Variants in ITIH3 observed in about 807,000 individuals in gnomAD.
The protein encoded by ITIH3 is inter-alpha-trypsin inhibitor heavy chain 3.
A neutral mutation model predicts 96.5 loss-of-function variants in ITIH3; 81 were observed. The observed-to-expected ratio is 0.84, with a 90% confidence interval of 0.70 to 1.01. The LOEUF (loss-of-function observed/expected upper bound fraction) is 1.01. Ranked by LOEUF, ITIH3 falls within the 50% of genes least tolerant of loss-of-function variation. The pLI, the probability that ITIH3 is intolerant of heterozygous loss-of-function variation, is 0.00. For missense variants in ITIH3, 1,057 were observed against 1,139.3 expected, an observed-to-expected ratio of 0.93 and a Z score of 1.04; for synonymous variants, 422 against 445.2, an observed-to-expected ratio of 0.95 and a Z score of 0.66.
Position 52,796,652 on chromosome 3 carries a change from G to A in ITIH3, c.281+5G>A, listed in dbSNP as rs772782855. 1.9e-6 allele frequency: 3 copies of A among 1,611,292 alleles called. No individual in the cohort carries two copies. The highest frequency in any genetic ancestry group is 3.3e-5 in the Admixed American group (2 of 59,820). On this transcript the variant is annotated splice_donor_5th_base_variant and intron_variant, in intron 3 of 21. Transcript: ENST00000449956. ...CTTCATCACCAACTTCACCTTGTGG[G>A]TACCACCATGGCTGCTGGCTCTGGG...
At chr3:52,796,420 G>T (rs1188103515) in intron 2 of ITIH3, 61 bp from the exon 3 acceptor site, 2 of 1,498,378 alleles carry the variant, frequency 1.3e-6, no homozygotes, top group African/African-American at 1.4e-5. Flanking sequence ...GAGGTGGCTG[G>T]GTTGCAAACC....
intron 7 of ITIH3, 122 bp downstream of exon 7, chr3:52,799,213 G>C (rs1699713179): frequency 6.8e-6 from 9 of 1,326,800 alleles, no homozygotes; most frequent in Non-Finnish European, 9.4e-6. Flanking sequence ...GCAGGATGTG[G>C]GACAGCTGAT....
chr3:52,802,733 C>T lies in ITIH3; in HGVS notation c.1636C>T (p.Arg546Trp), dbSNP rs756947652. 18 of 1,613,916 alleles carry T rather than the reference C, an allele frequency of 1.1e-5. No homozygotes were observed. Among genetic ancestry groups the T allele is most frequent in the East Asian group, 2.2e-5 (1 of 44,878 alleles). Reference sequence around the variant, plus strand: ...GGAGATGGAGAAGGCCCTGCAGGAGCGGGACTACATCTTCGGGAATTACAT... The same window carrying T: ...GGAGATGGAGAAGGCCCTGCAGGAGTGGGACTACATCTTCGGGAATTACAT... ...MKEMEKALQERDYIFGNYIER... is the reference protein window; with the variant it reads ...MKEMEKALQEWDYIFGNYIER... The change falls in exon 13 of 22, where the codon CGG (arginine) becomes TGG (tryptophan). Residue 546 changes from arginine to tryptophan, a missense_variant. Coordinates refer to ENST00000449956, the MANE Select transcript of ITIH3 (RefSeq NM_002217.4).
intron 15 of ITIH3, 92 bp downstream of exon 15, chr3:52,804,826 C>T: frequency 7.2e-7 from 1 of 1,387,326 alleles, no homozygotes; most frequent in African/African-American, 1.4e-5. Context: ...GGACCCCCAG[C>T]CATGGGGGCA....
chr3:52,807,804 C>G lies in ITIH3; in HGVS notation c.2319C>G (p.Thr773=). The change falls in exon 20 of 22, where the codon ACC becomes ACG. Residue 773 remains threonine, a synonymous_variant. Coordinates refer to ENST00000449956, the MANE Select transcript of ITIH3 (RefSeq NM_002217.4). ...TGGTCTCCTTTGGAGATGGGGTTACCTTCGTGGTCGTCCTACACCAGGTGT... is the reference window on the plus strand; with the variant it reads ...TGGTCTCCTTTGGAGATGGGGTTACGTTCGTGGTCGTCCTACACCAGGTGT... The part of the protein sequence containing the change: ...NMVVSFGDGV[T]FVVVLHQVWK... 6.2e-7 allele frequency: 1 copy of G among 1,612,480 alleles called. No individual in the cohort carries two copies. The highest frequency in any genetic ancestry group is 8.5e-7 in the Non-Finnish European group (1 of 1,179,330).
intron 10 of ITIH3, 117 bp downstream of exon 10, chr3:52,800,780 TG>T: frequency 1.4e-6 from 2 of 1,478,572 alleles, no homozygotes; most frequent in Non-Finnish European, 1.8e-6. Context: ...CCCTGTGGTC[TG>T]GGAGCCCCTC....
In ITIH3 at chr3:52,805,830, G is replaced by A. The variant is rs777411568; in HGVS notation, c.1896G>A (p.Met632Ile). Residue 632 changes from methionine to isoleucine, a missense_variant, in exon 16 of 22, where the codon ATG becomes ATA. Physicochemically the swap from Met to Ile is conservative, Grantham distance 10 (BLOSUM62 1). Transcript: ENST00000449956. Reference protein sequence around the residue: ...DAEATPVSPAMSYLTSYQPPQ... With the variant: ...DAEATPVSPAISYLTSYQPPQ... ...CAGCCACACCGGTGAGCCCCGCCAT[G>A]TCCTACCTGAGTGAGTACATGCTGG... is the stretch of plus-strand genomic sequence containing the variant. The A allele has an allele frequency of 8.1e-6, 13 of 1,613,846 alleles. No homozygotes were observed. The Admixed American group carries it at 2.2e-4, about 27-fold the overall frequency.
Position 52,807,921 on chromosome 3 carries a change from G to T in ITIH3, c.2431+5G>T, listed in dbSNP as rs776708089. ...CACAGACGCATGGGCTGCTGGGTAC[G>T]AAGTGTTCAGACTGCAGGCTGTTCA... On this transcript the variant is annotated splice_donor_5th_base_variant and intron_variant, in intron 20 of 21. Coordinates refer to ENST00000449956, the MANE Select transcript of ITIH3 (RefSeq NM_002217.4). 1.6e-5 allele frequency: 26 copies of T among 1,611,760 alleles called. No individual in the cohort carries two copies. The highest frequency in any genetic ancestry group is 1.7e-5 in the Admixed American group (1 of 59,678).
At chr3:52,804,794 G>A (rs1699977345) in intron 15 of ITIH3, 60 bp downstream of exon 15, 10 of 1,558,390 alleles carry the variant, frequency 6.4e-6, no homozygotes, top group Non-Finnish European at 8.7e-6. Flanking sequence ...AGAGAACTGA[G>A]GAGGCCTTTC....
rs377359593 is a variant in ITIH3, at chr3:52,794,984, G to T, written c.93+88G>T. 67 of 1,058,442 alleles carry T rather than the reference G, an allele frequency of 6.3e-5. No homozygotes were observed. The Middle Eastern group carries it at 9.2e-4, about 15-fold the overall frequency. The allele number at this position is 1,058,442 out of a possible 1,614,324, so 65.6% of individuals were successfully genotyped here. ...GGGCAAGGCCTCTGAGTGGAGTGAA[G>T]AGGAGGCAGAGGGCTGGGCACTGAG... On this transcript the variant is annotated intron_variant, in intron 1 of 21. Transcript: ENST00000449956.
intron 6 of ITIH3, 109 bp downstream of exon 6, chr3:52,798,039 G>A (rs2154109474): frequency 4.4e-6 from 3 of 675,830 alleles, no homozygotes; most frequent in South Asian, 1.8e-5. Flanking sequence ...CATGTGTTGG[G>A]GTGGGGCTGG....
chr3:52,802,526 G>C lies in ITIH3; in HGVS notation c.1569+7G>C. On this transcript the variant is annotated splice_region_variant and intron_variant, in intron 12 of 21. Coordinates refer to ENST00000449956, the MANE Select transcript of ITIH3 (RefSeq NM_002217.4). ...AGATGTGAAGGGCCATGGGGTGAGT[G>C]GGGACAGGGCCTGGAAGTGTGCTGG... The C allele has an allele frequency of 1.9e-6, 3 of 1,613,692 alleles. No individual in the cohort carries two copies. The highest frequency in any genetic ancestry group is 1.6e-4 in the Middle Eastern group (1 of 6,062).
chr3:52,802,912 C>A, intron 13 of ITIH3, 106 bp downstream of exon 13: 1 of 1,332,800 alleles, frequency 7.5e-7, no homozygotes, highest in South Asian at 1.4e-5. Flanking sequence ...TTGGGCCAGC[C>A]CAGGAAGTGT....
Position 52,796,622 on chromosome 3 carries a change from A to G in ITIH3, c.256A>G (p.Thr86Ala), listed in dbSNP as rs746021452. 2.5e-5 allele frequency: 40 copies of G among 1,612,818 alleles called. No homozygotes were observed. The highest frequency in any genetic ancestry group is 3.1e-5 in the Non-Finnish European group (37 of 1,179,350). The change falls in exon 3 of 22, where the codon ACG (threonine) becomes GCG (alanine). Residue 86 changes from threonine (T) to alanine (A), a missense_variant. Transcript: ENST00000449956. ...TTCCTTTGATGTGGAGCTGCCCAAG[A>G]CGGCCTTCATCACCAACTTCACCTT... ...EVSFDVELPK[T>A]AFITNFTLTI... is the part of the protein sequence containing the mutation.
At position 52,803,926 on chromosome 3, in the gene ITIH3, T is replaced by C. The variant is rs1158065108; in HGVS notation, c.1781T>C (p.Phe594Ser). ...CTGGACCTGTCCCTCAAGTATCACTTTGTGACTCCACTGACCTCAATGGTG... is the reference window on the plus strand; with the variant it reads ...CTGGACCTGTCCCTCAAGTATCACTCTGTGACTCCACTGACCTCAATGGTG... ...RALDLSLKYH[F>S]VTPLTSMVVT... The change falls in exon 14 of 22, where the codon TTT (phenylalanine) becomes TCT (serine). Residue 594 changes from phenylalanine to serine, a missense_variant. Physicochemically the swap from Phe to Ser is radical, Grantham distance 155. Transcript: ENST00000449956. 3.1e-6 allele frequency: 5 copies of C among 1,613,928 alleles called. No individual in the cohort carries two copies. In the South Asian group the frequency reaches 3.3e-5, roughly 11 times the overall value.
chr3:52,795,639 A>G lies in ITIH3; in HGVS notation c.114+16A>G, dbSNP rs941356862. 1 of 1,611,474 alleles carries G rather than the reference A, an allele frequency of 6.2e-7. No individual in the cohort carries two copies. The highest frequency in any genetic ancestry group is 8.5e-7 in the Non-Finnish European group (1 of 1,178,666). On this transcript the variant is annotated intron_variant, in intron 2 of 21. Transcript: ENST00000449956. Reference sequence around the variant, plus strand: ...CCCGGAAGGGGTAAGAACTTTCACCAGGGGGTGGGACCGAGTGGGGCAGGG... The same window carrying G: ...CCCGGAAGGGGTAAGAACTTTCACCGGGGGGTGGGACCGAGTGGGGCAGGG...
chr3:52,804,480 G>T, intron 14 of ITIH3: 1 of 546,176 alleles, frequency 1.8e-6, no homozygotes, highest in East Asian at 3.2e-5. Flanking sequence ...TAGGTACAGG[G>T]TCTGTGTGTG....
intron 14 of ITIH3, 85 bp from the exon 15 acceptor site, chr3:52,804,641 C>G: frequency 6.7e-7 from 1 of 1,488,074 alleles, no homozygotes; most frequent in Non-Finnish European, 9.2e-7. Flanking sequence ...GGCTGGTCGG[C>G]CAAGCAGCCA....
intron 8 of ITIH3, 53 bp downstream of exon 8, chr3:52,799,541 GA>G (rs1442694989): frequency 5.2e-6 from 7 of 1,334,424 alleles, no homozygotes; most frequent in Non-Finnish European, 7.2e-6. Flanking sequence ...GGGTGGAAGA[GA>G]TTTTTTTTTT....
Sources: gnomAD v4.1 joint callset for allele counts on GRCh38, gnomAD v4.1.1 for gene constraint, MANE v1.5 for transcripts, NCBI Gene and HGNC (gene_info 2026-07-23, HGNC 2026-07-21) for gene names.